GRIN2A: variants seen among roughly 807,000 people sequenced by gnomAD.
GRIN2A encodes the protein glutamate ionotropic receptor NMDA type subunit 2A.
Under a neutral mutation model 113.4 loss-of-function variants are expected in GRIN2A, and 22 were observed. The ratio of observed to expected loss-of-function variants is 0.19; its 90% CI spans 0.14 to 0.28. The LOEUF (loss-of-function observed/expected upper bound fraction) is 0.28, where lower values mean the gene tolerates loss of function less well. Ranked by LOEUF, GRIN2A falls within the 10% of genes least tolerant of loss-of-function variation. The probability of loss-of-function intolerance (pLI) is 1.00; values close to 1 mark genes in which losing one functional copy is unlikely to be tolerated. For synonymous variants in GRIN2A, 827 were observed against 738.4 expected (o/e 1.12, Z -1.94); for missense variants, 1,502 against 1,887.0 (o/e 0.80, Z 3.78).
chr16:9,868,290 C>A (rs1297197120), intron 4 of GRIN2A, among the ~76,000 whole-genome samples: 1 of 151,964 alleles, frequency 6.6e-6, no homozygotes, highest in African/African-American at 2.4e-5. Context: ...TTTTTTGAGA[C>A]AGGGTCTTAT....
At chr16:9,901,585 G>A (rs1303218675) in intron 3 of GRIN2A, among the ~76,000 whole-genome samples, 3 of 152,004 alleles carry the variant, frequency 2.0e-5, no homozygotes, top group Admixed American at 6.6e-5. Context: ...TCAGCCTCCC[G>A]AGTAGCTGAG....
chr16:9,890,184 C>T (rs576123639), intron 4 of GRIN2A, among the ~76,000 whole-genome samples: 1 of 152,070 alleles, frequency 6.6e-6, no homozygotes, highest in Non-Finnish European at 1.5e-5. Flanking sequence ...CATTGCTTGT[C>T]AAAAAACATA....
In GRIN2A at chr16:9,990,851, G is replaced by C. The variant is rs2046097825; in HGVS notation, c.415-52300C>G. On this transcript the variant is annotated intron_variant, in intron 2 of 12. Coordinates refer to ENST00000330684, the MANE Select transcript of GRIN2A (RefSeq NM_001134407.3). ...GGAGGCCGAGGCAGGTGGATCACCT[G>C]AAGTCAGGAGTTTGAGACCAGCCTG... 2.0e-5 allele frequency among the ~76,000 whole-genome samples: 3 copies of C among 152,136 alleles called. No homozygotes were observed. In the South Asian group the frequency reaches 6.2e-4, roughly 32 times the overall value.
intron 2 of GRIN2A, among the ~76,000 whole-genome samples, chr16:10,094,691 C>G (rs1038284637): frequency 6.6e-6 from 1 of 152,134 alleles, no homozygotes; most frequent in African/African-American, 2.4e-5. Flanking sequence ...CTCCAGTGAT[C>G]TGCCCGCCTC....
intron 2 of GRIN2A, among the ~76,000 whole-genome samples, chr16:10,021,475 C>T (rs1197585123): frequency 1.3e-5 from 2 of 152,198 alleles, no homozygotes; most frequent in African/African-American, 4.8e-5. Flanking sequence ...ACTCCAAGCT[C>T]TTCGCCACTC....
At chr16:9,901,827 A>G (rs989609312) in intron 3 of GRIN2A, among the ~76,000 whole-genome samples, 3 of 152,256 alleles carry the variant, frequency 2.0e-5, no homozygotes, top group Non-Finnish European at 4.4e-5. Context: ...TTGCTCATCC[A>G]TGCTGCTACA....
At chr16:10,070,597 G>A (rs1201401844) in intron 2 of GRIN2A, among the ~76,000 whole-genome samples, 4 of 152,130 alleles carry the variant, frequency 2.6e-5, no homozygotes, top group African/African-American at 9.7e-5. Flanking sequence ...AGATCCTAGT[G>A]ACACTGAGAT....
intron 2 of GRIN2A, among the ~76,000 whole-genome samples, chr16:9,945,727 G>A (rs2045003492): frequency 6.6e-6 from 1 of 152,160 alleles, no homozygotes; most frequent in Admixed American, 6.5e-5. Context: ...CATACATAGA[G>A]GGGTTGCTGC....
At chr16:9,772,091 T>G (rs1211099174) in intron 11 of GRIN2A, among the ~76,000 whole-genome samples, 1 of 152,122 alleles carries the variant, frequency 6.6e-6, no homozygotes, top group African/African-American at 2.4e-5. Flanking sequence ...CAAAAATGGG[T>G]GCTGATCAAT....
chr16:9,810,790 A>G (rs1450908027), intron 10 of GRIN2A, among the ~76,000 whole-genome samples: 1 of 152,092 alleles, frequency 6.6e-6, no homozygotes, highest in Non-Finnish European at 1.5e-5. Context: ...GGTTATGGCC[A>G]CTCTAGGAAA....
In GRIN2A at chr16:9,786,921, G is replaced by A. The variant is rs1902264749; in HGVS notation, c.2356+11356C>T. Among the ~76,000 whole-genome samples the A allele has an allele frequency of 2.0e-5, 3 of 152,160 alleles. No individual in the cohort carries two copies. The South Asian group carries it at 6.2e-4, about 31-fold the overall frequency. ...TTCTCTTGCCCAAAGCCCTATCTAA[G>A]GGACCTGAAGAGTCACATCCTACAG... is the stretch of plus-strand genomic sequence containing the variant. On this transcript the variant is annotated intron_variant, in intron 11 of 12. Transcript: ENST00000330684.
At chr16:9,891,367 A>G (rs1255334193) in intron 3 of GRIN2A, among the ~76,000 whole-genome samples, 2 of 152,236 alleles carry the variant, frequency 1.3e-5, no homozygotes, top group Admixed American at 1.3e-4. Context: ...ATCTTCTTAC[A>G]GGAAGATCTG....
intron 11 of GRIN2A, among the ~76,000 whole-genome samples, chr16:9,789,223 G>A (rs575454544): frequency 3.2e-4 from 48 of 152,282 alleles, no homozygotes; most frequent in Middle Eastern, 3.4e-3. Flanking sequence ...GGCAGTAACC[G>A]GGATTTGGGT....
At chr16:9,918,694 G>A (rs187393512) in intron 3 of GRIN2A, among the ~76,000 whole-genome samples, 21 of 152,168 alleles carry the variant, frequency 1.4e-4, no homozygotes, top group African/African-American at 2.2e-4. Flanking sequence ...TACTTAAAAT[G>A]TCACTTTGTT....
intron 2 of GRIN2A, among the ~76,000 whole-genome samples, chr16:10,016,268 T>G (rs2046610120): frequency 1.3e-5 from 2 of 152,174 alleles, no homozygotes; most frequent in Non-Finnish European, 2.9e-5. Flanking sequence ...TTTGGATACC[T>G]GAGCGTTGTT....
intron 2 of GRIN2A, among the ~76,000 whole-genome samples, chr16:10,137,865 G>A (rs994420617): frequency 1.3e-5 from 2 of 152,182 alleles, no homozygotes; most frequent in African/African-American, 2.4e-5. Flanking sequence ...AGCCTGGGAT[G>A]CACCACATAG....
At chr16:10,164,584 T>C (rs1368274415) in intron 2 of GRIN2A, among the ~76,000 whole-genome samples, 1 of 152,190 alleles carries the variant, frequency 6.6e-6, no homozygotes, top group South Asian at 2.1e-4. Flanking sequence ...ATTAAAGCAA[T>C]GATTGAAACA....
chr16:10,075,713 T>A (rs1340272566), intron 2 of GRIN2A, among the ~76,000 whole-genome samples: 2 of 152,156 alleles, frequency 1.3e-5, no homozygotes, highest in African/African-American at 4.8e-5. Flanking sequence ...ATAAGCCCTT[T>A]GACTAACACA....
intron 2 of GRIN2A, among the ~76,000 whole-genome samples, chr16:10,118,825 T>C (rs2048776861): frequency 6.6e-6 from 1 of 152,246 alleles, no homozygotes. Flanking sequence ...CCATTCAATA[T>C]TGATTTATTC....
Sources: allele counts gnomAD v4.1 joint callset (sites outside exome capture counted in the v4.1 genomes callset), GRCh38; gene constraint gnomAD v4.1.1; transcripts MANE v1.5; gene names NCBI Gene and HGNC (gene_info 2026-07-23, HGNC 2026-07-21).